The following TBCA variants were observed in gnomAD, a reference collection of about 807,000 sequenced individuals.
The protein encoded by TBCA is tubulin-specific chaperone A.
A neutral mutation model predicts 15.8 loss-of-function variants in TBCA; 6 were observed. The observed-to-expected ratio is 0.38, with a 90% CI of 0.21 to 0.75. The LOEUF is 0.75. Among genes scored for constraint, TBCA ranks in the 30% least tolerant of loss-of-function variants. TBCA has a pLI of 0.46. For synonymous variants in TBCA, 32 were observed against 42.3 expected, an observed-to-expected ratio of 0.76 and a Z score of 0.94; for missense variants, 90 against 131.2, an observed-to-expected ratio of 0.69 and a Z score of 1.53.
At chr5:77,744,022 T>G (rs142525348) in intron 1 of TBCA, among the ~76,000 whole-genome samples, 92 of 152,278 alleles carry the variant, frequency 6.0e-4, no homozygotes, top group Non-Finnish European at 9.1e-4. Flanking sequence ...GAGTCCCAAT[T>G]TATCAGCTTT....
chr5:77,756,593 C>T (rs752885320), intron 1 of TBCA, among the ~76,000 whole-genome samples: 133 of 151,174 alleles, frequency 8.8e-4, no homozygotes, highest in Non-Finnish European at 1.5e-3. Context: ...ATCTTGCCCG[C>T]TAGAATTAGC....
At position 77,691,480 on chromosome 5, in the gene TBCA, C is replaced by T. The variant is rs746265260; in HGVS notation, c.265G>A (p.Glu89Lys). Residue 89 changes from glutamate (E) to lysine (K), a missense_variant, in exon 4 of 4, where the codon GAA (glutamate) becomes AAA (lysine). By Grantham distance (56) the Glu-to-Lys change is moderately conservative. Transcript: ENST00000380377. ...QRILENEKDL[E>K]EAEEYKEARL... Reference sequence around the variant, plus strand: ...GCTTCTTTATATTCCTCAGCTTCTTCCAAGTCTTTTTCATTTTCCTAAAAT... The same window carrying T: ...GCTTCTTTATATTCCTCAGCTTCTTTCAAGTCTTTTTCATTTTCCTAAAAT... The T allele has an allele frequency of 6.3e-7, 1 of 1,592,426 alleles. No homozygotes were observed. The highest frequency in any genetic ancestry group is 1.9e-5 in the Admixed American group (1 of 53,356).
chr5:77,742,235 A>C (rs1747054621), intron 1 of TBCA, among the ~76,000 whole-genome samples: 1 of 152,128 alleles, frequency 6.6e-6, no homozygotes, highest in Non-Finnish European at 1.5e-5. Flanking sequence ...TCCCATGAGC[A>C]TTTCCTTTGA....
At chr5:77,691,812 C>G (rs574497266) in intron 3 of TBCA, 92 of 1,030,604 alleles carry the variant, frequency 8.9e-5, no homozygotes, top group Non-Finnish European at 1.0e-4. Flanking sequence ...TTTTGTTGAC[C>G]CATCATCATC....
intron 2 of TBCA, among the ~76,000 whole-genome samples, chr5:77,702,686 T>G (rs1322425194): frequency 2.0e-5 from 3 of 152,204 alleles, no homozygotes; most frequent in Non-Finnish European, 4.4e-5. Context: ...ACTTCATGGT[T>G]TGAATACTGT....
Position 77,693,280 on chromosome 5 carries a change from G to T in TBCA, c.232C>A (p.Leu78Ile), listed in dbSNP as rs1169390629. Reference sequence around the variant, plus strand: ...TCTTTGCTTACTAGTATCCGTTGAAGATCCAAATATGCGGCTTCCAACCTG... The same window carrying T: ...TCTTTGCTTACTAGTATCCGTTGAATATCCAAATATGCGGCTTCCAACCTG... ...QRRLEAAYLD[L>I]QRILENEKDL... Residue 78 changes from leucine (L) to isoleucine (I), a missense_variant, in exon 3 of 4, where the codon CTT (leucine) becomes ATT (isoleucine). Transcript: ENST00000380377. 1.2e-6 allele frequency: 2 copies of T among 1,613,890 alleles called. No homozygotes were observed. The highest frequency in any genetic ancestry group is 2.2e-5 in the East Asian group (1 of 44,862).
intron 1 of TBCA, among the ~76,000 whole-genome samples, chr5:77,727,582 A>G (rs527672540): frequency 4.6e-5 from 7 of 152,306 alleles, no homozygotes; most frequent in African/African-American, 1.7e-4. Context: ...GAACAAAATC[A>G]TTCCTTTTAC....
rs553576882 is a variant in TBCA, at chr5:77,750,213, A to G, written c.53+25992T>C. ...ATATACACACACACATATTTGTGCC[A>G]TGTATGATATACATATGATATATAT... On this transcript the variant is annotated intron_variant, in intron 1 of 3. Transcript: ENST00000380377. Among the ~76,000 whole-genome samples, 8 of 151,968 alleles carry G rather than the reference A, an allele frequency of 5.3e-5. No individual in the cohort carries two copies. In the South Asian group the frequency reaches 8.3e-4, roughly 16 times the overall value.
chr5:77,773,264 G>T lies in TBCA; in HGVS notation c.53+2941C>A, dbSNP rs115611091. The stretch of plus-strand genomic sequence containing the variant: ...CTTTACGGGAGCACTGTAGCTTAAA[G>T]GAGAAAGTTGTAGATTTGAAACCTT... On this transcript the variant is annotated intron_variant, in intron 1 of 3. Transcript: ENST00000380377. Among the ~76,000 whole-genome samples the T allele has an allele frequency of 2.6e-3, 401 of 152,290 alleles. 1 individual carries two copies. The highest frequency in any genetic ancestry group is 9.2e-3 in the African/African-American group (382 of 41,560).
chr5:77,768,168 A>C (rs1206661169), intron 1 of TBCA, among the ~76,000 whole-genome samples: 1 of 152,194 alleles, frequency 6.6e-6, no homozygotes, highest in Non-Finnish European at 1.5e-5. Flanking sequence ...GCCCAGTCTC[A>C]GGTATTTTTT....
chr5:77,751,264 T>C (rs1179114133), intron 1 of TBCA, among the ~76,000 whole-genome samples: 1 of 150,834 alleles, frequency 6.6e-6, no homozygotes, highest in African/African-American at 2.4e-5. Context: ...CAGGTTCAAG[T>C]GATTCTCCTG....
chr5:77,737,807 C>T (rs1746944682), intron 1 of TBCA, among the ~76,000 whole-genome samples: 1 of 146,908 alleles, frequency 6.8e-6, no homozygotes, highest in Admixed American at 6.7e-5. Context: ...ATAAATCCAG[C>T]ACTTTAACTA....
At chr5:77,713,111 C>A (rs964247192) in intron 1 of TBCA, among the ~76,000 whole-genome samples, 3 of 151,978 alleles carry the variant, frequency 2.0e-5, no homozygotes, top group African/African-American at 7.3e-5. Context: ...CTGGGCAACA[C>A]GGCGAGATTT....
At chr5:77,774,041 A>G (rs1245684448) in intron 1 of TBCA, among the ~76,000 whole-genome samples, 1 of 152,192 alleles carries the variant, frequency 6.6e-6, no homozygotes, top group Non-Finnish European at 1.5e-5. Flanking sequence ...TTCTAAAGTA[A>G]TTCAGGCCAT....
In TBCA at chr5:77,691,180, G is replaced by A. The variant is rs567702449; in HGVS notation, c.*238C>T. ...ACAGATTATAGTTCTCTGTCATAAA[G>A]TCTATGTGGTTTAATGATAAAAGGT... On this transcript the variant is annotated 3_prime_UTR_variant, in exon 4 of 4. Transcript: ENST00000380377. 1 of 459,418 alleles carries A rather than the reference G, an allele frequency of 2.2e-6. No individual in the cohort carries two copies. The highest frequency in any genetic ancestry group is 4.4e-5 in the East Asian group (1 of 22,966). The allele number at this position is 459,418 out of a possible 1,614,324, so 28.5% of individuals were successfully genotyped here. A position where few individuals can be genotyped will look rare whatever the true frequency, so the allele number is the denominator to read the frequency against.
intron 2 of TBCA, among the ~76,000 whole-genome samples, chr5:77,706,759 C>A (rs1174985856): frequency 1.5e-5 from 2 of 136,326 alleles, no homozygotes; most frequent in Non-Finnish European, 3.0e-5. Context: ...TGCAGTGAGC[C>A]AAGATTGCAC....
intron 1 of TBCA, among the ~76,000 whole-genome samples, chr5:77,728,657 T>A (rs925040180): frequency 3.3e-5 from 5 of 152,192 alleles, no homozygotes; most frequent in Non-Finnish European, 7.4e-5. Flanking sequence ...ATTCTCTGCT[T>A]AAAAACAAAG....
chr5:77,735,890 T>A (rs1266718481), intron 1 of TBCA, among the ~76,000 whole-genome samples: 1 of 152,194 alleles, frequency 6.6e-6, no homozygotes, highest in Non-Finnish European at 1.5e-5. Context: ...ATAAAACAAA[T>A]TTTGCAATAA....
intron 1 of TBCA, among the ~76,000 whole-genome samples, chr5:77,709,620 TTAAC>T (rs1474844055): frequency 2.0e-5 from 3 of 152,234 alleles, no homozygotes; most frequent in Admixed American, 1.3e-4. Flanking sequence ...TTAGGAAAGT[TTAAC>T]TATTCCTCAA....
Sources: gnomAD v4.1 joint callset for allele counts (sites outside exome capture counted in the v4.1 genomes callset) on GRCh38, gnomAD v4.1.1 for gene constraint, MANE v1.5 for transcripts, NCBI Gene and HGNC (gene_info 2026-07-23, HGNC 2026-07-21) for gene names.